The following ANK2 variants were observed in gnomAD, a reference collection of about 807,000 sequenced individuals.
The protein encoded by ANK2 is ankyrin 2.
In ANK2, 83 loss-of-function variants were observed where a neutral mutation model predicts 360.5. That is an observed-to-expected ratio of 0.23 (90% CI 0.19 to 0.28). ANK2 has a LOEUF of 0.28. Ranked by LOEUF, ANK2 falls within the 10% of genes least tolerant of loss-of-function variation. The pLI is 1.00. For synonymous variants in ANK2, 1,740 were observed against 1,759.5 expected (o/e 0.99, Z 0.28); for missense variants, 4,201 against 4,795.7 (o/e 0.88, Z 3.66).
intron 1 of ANK2, among the ~76,000 whole-genome samples, chr4:113,100,469 G>A (rs2086961): frequency 0.48 from 73,527 of 151,924 alleles, 18,798 homozygotes; most frequent in African/African-American, 0.63. Flanking sequence ...CAAAACACTG[G>A]CAATACTGAA....
At chr4:112,796,027 T>C in the ANK2 span, among the ~76,000 whole-genome samples, 8 of 151,554 alleles carry the variant, frequency 5.3e-5, no homozygotes, top group African/African-American at 9.7e-5. Flanking sequence ...CTCCAACTCC[T>C]GGACTCAAGT....
intron 12 of ANK2, 72 bp downstream of exon 12, chr4:113,258,220 T>C (rs1005217448): frequency 1.3e-6 from 2 of 1,574,270 alleles, no homozygotes; most frequent in Non-Finnish European, 1.7e-6. Context: ...TTTTCTCATC[T>C]TCTGTCCTCT....
the ANK2 span, among the ~76,000 whole-genome samples, chr4:112,780,513 G>A: frequency 1.3e-5 from 2 of 152,122 alleles, no homozygotes. Flanking sequence ...AGGTAACTCT[G>A]TATAGTATAA....
At chr4:113,378,128 AC>A in intron 45 of ANK2, 1 of 1,282,104 alleles carries the variant, frequency 7.8e-7, no homozygotes, top group East Asian at 5.6e-5. Flanking sequence ...AAGTCCACTT[AC>A]CCAGTTTAGT....
chr4:112,878,858 C>T (rs1483662128), intron 1 of ANK2, among the ~76,000 whole-genome samples: 2 of 150,940 alleles, frequency 1.3e-5, no homozygotes, highest in African/African-American at 4.9e-5. Context: ...CTCCTGACCT[C>T]GTGATCTGCC....
intron 1 of ANK2, among the ~76,000 whole-genome samples, chr4:113,170,926 C>A (rs2154411547): frequency 6.6e-6 from 1 of 152,238 alleles, no homozygotes; most frequent in Admixed American, 6.5e-5. Flanking sequence ...ATTCCTTGTC[C>A]AGAGTTTGAC....
intron 17 of ANK2, among the ~76,000 whole-genome samples, chr4:113,282,018 C>G (rs1200916915): frequency 1.3e-5 from 2 of 152,214 alleles, no homozygotes; most frequent in Non-Finnish European, 2.9e-5. Context: ...ACCTAGCACA[C>G]TGCTCGGCAT....
At chr4:113,206,904 A>C (rs2098957063) in intron 4 of ANK2, among the ~76,000 whole-genome samples, 1 of 152,012 alleles carries the variant, frequency 6.6e-6, no homozygotes, top group Non-Finnish European at 1.5e-5. Context: ...GGTGCTTGTA[A>C]CCCCAGCTAC....
At chr4:112,858,747 T>G (rs76839797) in intron 1 of ANK2, among the ~76,000 whole-genome samples, 5,733 of 152,316 alleles carry the variant, frequency 0.038, 428 homozygotes, top group East Asian at 0.31. Context: ...AAAGTTTCCC[T>G]TTTCTTGACT....
intron 12 of ANK2, 69 bp from the exon 13 acceptor site, chr4:113,258,244 A>G (rs1390981409): frequency 7.6e-6 from 12 of 1,583,644 alleles, no homozygotes; most frequent in South Asian, 1.1e-5. Context: ...CTCAAGTTTT[A>G]TTTATCTGAA....
At chr4:113,009,466 CA>C (rs1295287934) in intron 2 of ANK2, among the ~76,000 whole-genome samples, 1 of 152,052 alleles carries the variant, frequency 6.6e-6, no homozygotes, top group Non-Finnish European at 1.5e-5. Flanking sequence ...ATAGAGTATG[CA>C]AAAAACCTGT....
At chr4:113,242,725 T>C (rs1195091264) in intron 9 of ANK2, among the ~76,000 whole-genome samples, 2 of 152,242 alleles carry the variant, frequency 1.3e-5, no homozygotes, top group African/African-American at 2.4e-5. Context: ...TATACCTTTA[T>C]GTCATTTTGG....
intron 2 of ANK2, among the ~76,000 whole-genome samples, chr4:113,008,746 C>T (rs1024636881): frequency 3.9e-5 from 6 of 152,052 alleles, no homozygotes; most frequent in Non-Finnish European, 7.4e-5. Flanking sequence ...ATAGCCCAGA[C>T]ACTCCATTAC....
intron 17 of ANK2, among the ~76,000 whole-genome samples, chr4:113,279,091 T>A (rs2061297888): frequency 6.6e-6 from 1 of 152,076 alleles, no homozygotes; most frequent in South Asian, 2.1e-4. Flanking sequence ...CCGAAACAGC[T>A]CCAACTAAGA....
chr4:113,028,646 A>G (rs2059762332), intron 2 of ANK2, among the ~76,000 whole-genome samples: 1 of 152,140 alleles, frequency 6.6e-6, no homozygotes, highest in Non-Finnish European at 1.5e-5. Flanking sequence ...AACTCAAGTA[A>G]AAGAGGCCCT....
At chr4:113,149,832 G>A (rs767015799) in intron 1 of ANK2, among the ~76,000 whole-genome samples, 23 of 117,854 alleles carry the variant, frequency 2.0e-4, no homozygotes, top group Non-Finnish European at 2.1e-4. Context: ...AACTTTGATC[G>A]TACCACTGCA....
intron 1 of ANK2, among the ~76,000 whole-genome samples, chr4:112,873,702 AT>A (rs373762462): frequency 2.7e-3 from 354 of 131,974 alleles, no homozygotes; most frequent in Middle Eastern, 8.0e-3. Flanking sequence ...ACGCTTGGCT[AT>A]TTTTTTTTTT....
chr4:113,157,729 A>G (rs1432841611), intron 1 of ANK2, among the ~76,000 whole-genome samples: 1 of 152,226 alleles, frequency 6.6e-6, no homozygotes, highest in African/African-American at 2.4e-5. Context: ...ATGTCGGTCA[A>G]CAGTGGAAAG....
Position 113,330,279 on chromosome 4 carries a change from T to G in ANK2, c.2934T>G (p.Gly978=), listed in dbSNP as rs1588354461. Residue 978 remains glycine, a synonymous_variant, in exon 27 of 46, where the codon GGT becomes GGG. Coordinates refer to ENST00000357077, the MANE Select transcript of ANK2 (RefSeq NM_001148.6). ...FLVSFMVDAR[G]GAMRGCRHNG... ...TTAGTTTTATGGTGGATGCCCGAGG[T>G]GGTGCTATGCGAGGATGCAGACACA... 1.9e-6 allele frequency: 3 copies of G among 1,614,178 alleles called. No homozygotes were observed. Among genetic ancestry groups the G allele is most frequent in the Non-Finnish European group, 2.5e-6 (3 of 1,180,022 alleles).
Sources: allele counts gnomAD v4.1 joint callset (sites outside exome capture counted in the v4.1 genomes callset), GRCh38; gene constraint gnomAD v4.1.1; transcripts MANE v1.5; gene names NCBI Gene and HGNC (gene_info 2026-07-23, HGNC 2026-07-21).